The following TTC28 variants were observed in gnomAD, a reference collection of about 807,000 sequenced individuals.
The protein encoded by TTC28 is tetratricopeptide repeat protein 28.
Under a neutral mutation model 198.0 loss-of-function variants are expected in TTC28, and 61 were observed. The observed-to-expected ratio is 0.31, with a 90% CI of 0.25 to 0.38. The LOEUF (loss-of-function observed/expected upper bound fraction) is 0.38, where lower values mean the gene tolerates loss of function less well. Ranked by LOEUF, TTC28 falls within the 10% of genes least tolerant of loss-of-function variation. The pLI is 1.00. For synonymous variants in TTC28, 1,171 were observed against 1,297.8 expected, an observed-to-expected ratio of 0.90 and a Z score of 2.10; for missense variants, 2,678 against 3,164.0, an observed-to-expected ratio of 0.85 and a Z score of 3.69.
chr22:28,188,973 A>T (rs1166767126), intron 5 of TTC28, among the ~76,000 whole-genome samples: 2 of 152,188 alleles, frequency 1.3e-5, no homozygotes, highest in African/African-American at 4.8e-5. Context: ...AATTTGAAAG[A>T]CAGTGATCAA....
intron 5 of TTC28, among the ~76,000 whole-genome samples, chr22:28,184,665 T>G (rs961952851): frequency 6.6e-6 from 1 of 152,126 alleles, no homozygotes. Flanking sequence ...TAACATTAAA[T>G]ATAGGTTATA....
intron 5 of TTC28, among the ~76,000 whole-genome samples, chr22:28,260,568 TGATA>T (rs1187156588): frequency 3.9e-5 from 6 of 152,134 alleles, no homozygotes; most frequent in South Asian, 4.1e-4. Context: ...ATTTTTAACA[TGATA>T]GATTCAGAAA....
At chr22:28,636,465 T>C (rs994944395) in intron 1 of TTC28, among the ~76,000 whole-genome samples, 1 of 152,204 alleles carries the variant, frequency 6.6e-6, no homozygotes, top group Non-Finnish European at 1.5e-5. Flanking sequence ...TTTTTATTCA[T>C]TCATCCAGCA....
chr22:28,482,971 TTG>T (rs2048272826), intron 2 of TTC28, among the ~76,000 whole-genome samples: 2 of 152,186 alleles, frequency 1.3e-5, no homozygotes, highest in Non-Finnish European at 2.9e-5. Context: ...TATTCATCCA[TTG>T]ATGGATATTT....
At chr22:28,445,587 T>C (rs1045417085) in intron 2 of TTC28, among the ~76,000 whole-genome samples, 1 of 152,158 alleles carries the variant, frequency 6.6e-6, no homozygotes, top group Non-Finnish European at 1.5e-5. Flanking sequence ...ACCCTTTTCC[T>C]ATTCCCTTAC....
At chr22:28,015,003 T>G (rs1213490196) in intron 13 of TTC28, among the ~76,000 whole-genome samples, 3 of 152,242 alleles carry the variant, frequency 2.0e-5, no homozygotes, top group Middle Eastern at 3.2e-3. Flanking sequence ...GCTTTTAAAT[T>G]TCTGTTCCAA....
chr22:28,564,856 A>G (rs1279866203), intron 2 of TTC28, among the ~76,000 whole-genome samples: 4 of 147,570 alleles, frequency 2.7e-5, no homozygotes, highest in Non-Finnish European at 6.0e-5. Flanking sequence ...TATTTTATAT[A>G]TATTTTATAT....
intron 2 of TTC28, among the ~76,000 whole-genome samples, chr22:28,556,346 A>G (rs1450073370): frequency 6.6e-6 from 1 of 152,100 alleles, no homozygotes; most frequent in East Asian, 1.9e-4. Context: ...GCAACACAGC[A>G]AGACCCTGTC....
intron 2 of TTC28, among the ~76,000 whole-genome samples, chr22:28,627,612 A>G (rs1392823178): frequency 6.6e-6 from 1 of 151,612 alleles, no homozygotes; most frequent in Non-Finnish European, 1.5e-5. Flanking sequence ...TTGTGTTTTT[A>G]GTAGAGACGG....
At chr22:28,167,569 C>A (rs1922147797) in intron 5 of TTC28, among the ~76,000 whole-genome samples, 1 of 152,160 alleles carries the variant, frequency 6.6e-6, no homozygotes, top group Non-Finnish European at 1.5e-5. Flanking sequence ...AAAGAAAAAA[C>A]CACATGATTA....
chr22:28,438,373 C>T (rs1038856867), intron 2 of TTC28, among the ~76,000 whole-genome samples: 5 of 152,148 alleles, frequency 3.3e-5, no homozygotes, highest in African/African-American at 7.2e-5. Context: ...GGGCATAATC[C>T]TCACAAATGA....
chr22:28,168,708 C>T (rs932475884), intron 5 of TTC28, among the ~76,000 whole-genome samples: 1 of 152,140 alleles, frequency 6.6e-6, no homozygotes, highest in African/African-American at 2.4e-5. Flanking sequence ...AGACCTATAA[C>T]CATAAAAACC....
intron 5 of TTC28, among the ~76,000 whole-genome samples, chr22:28,254,371 T>C (rs1467857911): frequency 6.6e-6 from 1 of 151,936 alleles, no homozygotes; most frequent in African/African-American, 2.4e-5. Flanking sequence ...AGTGAGTGGA[T>C]ATATTTGGGA....
intron 2 of TTC28, among the ~76,000 whole-genome samples, chr22:28,546,157 G>C (rs2049536653): frequency 6.6e-6 from 1 of 152,240 alleles, no homozygotes. Context: ...GAACAGAAGA[G>C]AAAATCCAGA....
chr22:28,407,239 G>T (rs2047011076), intron 2 of TTC28, among the ~76,000 whole-genome samples: 1 of 152,124 alleles, frequency 6.6e-6, no homozygotes, highest in South Asian at 2.1e-4. Flanking sequence ...AACCTGTCTA[G>T]TCTTTTCCTA....
At position 28,404,278 on chromosome 22, in the gene TTC28, C is replaced by G. The variant is rs956538822; in HGVS notation, c.382-97635G>C. Among the ~76,000 whole-genome samples the G allele has an allele frequency of 2.0e-5, 3 of 152,038 alleles. No homozygotes were observed. In the East Asian group the frequency reaches 5.8e-4, roughly 29 times the overall value. ...GGGACTACAGGTGCCCACCACTACG[C>G]CCGGCTAATTTTTGTATTTTTAATA... On this transcript the variant is annotated intron_variant, in intron 2 of 22. Transcript: ENST00000397906.
chr22:28,186,586 G>GA (rs1211158399), intron 5 of TTC28, among the ~76,000 whole-genome samples: 1 of 152,176 alleles, frequency 6.6e-6, no homozygotes, highest in Non-Finnish European at 1.5e-5. Flanking sequence ...TCTACAGGAA[G>GA]AAAGAATTAG....
At chr22:28,522,356 C>T (rs1221899907) in intron 2 of TTC28, among the ~76,000 whole-genome samples, 3 of 151,384 alleles carry the variant, frequency 2.0e-5, no homozygotes, top group African/African-American at 7.3e-5. Context: ...GGCGTGGTGG[C>T]AAGCACCTGT....
chr22:28,347,640 G>A (rs534354146), intron 2 of TTC28, among the ~76,000 whole-genome samples: 1 of 152,324 alleles, frequency 6.6e-6, no homozygotes, highest in South Asian at 2.1e-4. Context: ...GGGAGGCTGA[G>A]GCGGGTGGAT....
Sources: allele counts gnomAD v4.1 joint callset (sites outside exome capture counted in the v4.1 genomes callset), GRCh38; gene constraint gnomAD v4.1.1; transcripts MANE v1.5; gene names NCBI Gene and HGNC (gene_info 2026-07-23, HGNC 2026-07-21).